The following TLL1 variants were observed in gnomAD, a reference collection of about 807,000 sequenced individuals.
TLL1 encodes tolloid-like protein 1.
Under a neutral mutation model 128.2 loss-of-function variants are expected in TLL1, and 49 were observed. That is an observed-to-expected ratio of 0.38 (90% CI 0.30 to 0.48). The LOEUF is 0.48. Ranked by LOEUF, TLL1 falls within the 20% of genes least tolerant of loss-of-function variation. The probability of loss-of-function intolerance (pLI) is 0.96; values close to 1 mark genes in which losing one functional copy is unlikely to be tolerated. For synonymous variants in TLL1, 454 were observed against 418.8 expected, an observed-to-expected ratio of 1.08 and a Z score of -1.03; for missense variants, 1,123 against 1,242.0, an observed-to-expected ratio of 0.90 and a Z score of 1.44.
chr4:165,894,233 C>T (rs1731558414), intron 1 of TLL1, among the ~76,000 whole-genome samples: 1 of 152,038 alleles, frequency 6.6e-6, no homozygotes, highest in African/African-American at 2.4e-5. Flanking sequence ...GTACAAGGAA[C>T]ATGAAGAAAA....
At chr4:166,095,209 G>A (rs1015572999) in intron 19 of TLL1, among the ~76,000 whole-genome samples, 1 of 152,030 alleles carries the variant, frequency 6.6e-6, no homozygotes, top group East Asian at 1.9e-4. Context: ...TTTTGAACTA[G>A]GTGATTAGAA....
chr4:166,076,596 A>G (rs1741040622), intron 17 of TLL1, among the ~76,000 whole-genome samples: 1 of 152,138 alleles, frequency 6.6e-6, no homozygotes, highest in African/African-American at 2.4e-5. Flanking sequence ...TTTTACCTTC[A>G]CTACGGTACA....
chr4:166,004,125 G>C (rs1272323607), intron 6 of TLL1, among the ~76,000 whole-genome samples: 1 of 151,952 alleles, frequency 6.6e-6, no homozygotes, highest in Non-Finnish European at 1.5e-5. Context: ...TTCAGTAATT[G>C]AAATATAATT....
At chr4:165,931,518 A>AT (rs759044040) in intron 1 of TLL1, among the ~76,000 whole-genome samples, 4 of 146,512 alleles carry the variant, frequency 2.7e-5, no homozygotes, top group Admixed American at 6.7e-5. Flanking sequence ...GGAGATTGAG[A>AT]CCTCCTGGCC....
In TLL1 at chr4:166,077,888, T is replaced by C. The variant is rs1470686296; in HGVS notation, c.2315-15T>C. Reference sequence around the variant, plus strand: ...TGGATTGCCACACTGTCTGATATTATGGTTATTGGTGCAGCTGAGTGTGAA... The same window carrying C: ...TGGATTGCCACACTGTCTGATATTACGGTTATTGGTGCAGCTGAGTGTGAA... On this transcript the variant is annotated splice_polypyrimidine_tract_variant and intron_variant, in intron 17 of 20. Transcript: ENST00000061240. 2 of 1,613,156 alleles carry C rather than the reference T, an allele frequency of 1.2e-6. No homozygotes were observed. The highest frequency in any genetic ancestry group is 1.7e-6 in the Non-Finnish European group (2 of 1,179,438).
At chr4:165,999,838 G>A (rs981530361) in intron 5 of TLL1, among the ~76,000 whole-genome samples, 19 of 152,016 alleles carry the variant, frequency 1.2e-4, no homozygotes, top group African/African-American at 4.6e-4. Context: ...GGTAAATGGC[G>A]ATTAACCTAA....
chr4:165,969,859 G>A (rs1735557137), intron 1 of TLL1, among the ~76,000 whole-genome samples: 1 of 152,086 alleles, frequency 6.6e-6, no homozygotes, highest in Non-Finnish European at 1.5e-5. Flanking sequence ...AATCTTGTAT[G>A]TATTCTCACT....
chr4:166,010,158 A>C (rs140265145), intron 7 of TLL1, among the ~76,000 whole-genome samples: 159 of 151,470 alleles, frequency 1.0e-3, no homozygotes, highest in African/African-American at 3.5e-3. Flanking sequence ...GTATTTTCTC[A>C]CTTTTAAGGC....
chr4:166,016,787 A>G (rs1212234722), intron 8 of TLL1, among the ~76,000 whole-genome samples: 1 of 151,988 alleles, frequency 6.6e-6, no homozygotes, highest in Non-Finnish European at 1.5e-5. Context: ...GCTAAAAGAG[A>G]TATATAAATA....
At chr4:165,944,426 G>C (rs1038077507) in intron 1 of TLL1, among the ~76,000 whole-genome samples, 2 of 152,142 alleles carry the variant, frequency 1.3e-5, no homozygotes, top group Non-Finnish European at 2.9e-5. Context: ...AGCGTGATGT[G>C]TTCCTGGACC....
rs182956489 is a variant in TLL1 at position 165,893,568 on chromosome 4, T to C, written c.169+19495T>C. On this transcript the variant is annotated intron_variant, in intron 1 of 20. Transcript: ENST00000061240. ...AGACATGCAGAGAATCCCTACCTTG[T>C]ATTCAGAATATCCAACCCAAAGATT... Among the ~76,000 whole-genome samples the C allele has an allele frequency of 9.2e-5, 14 of 152,276 alleles. No individual in the cohort carries two copies. In the East Asian group the frequency reaches 2.5e-3, roughly 27 times the overall value.
chr4:165,995,420 C>T (rs1164189544), intron 5 of TLL1, among the ~76,000 whole-genome samples: 1 of 152,130 alleles, frequency 6.6e-6, no homozygotes, highest in African/African-American at 2.4e-5. Flanking sequence ...AATGACATTA[C>T]CAACATCCCA....
chr4:165,996,374 C>T (rs1293833007), intron 5 of TLL1, among the ~76,000 whole-genome samples: 2 of 152,162 alleles, frequency 1.3e-5, no homozygotes, highest in East Asian at 1.9e-4. Flanking sequence ...TTTAAGAGGC[C>T]GAGGCAGATG....
At chr4:166,028,397 T>C (rs1288460433) in intron 9 of TLL1, among the ~76,000 whole-genome samples, 1 of 152,024 alleles carries the variant, frequency 6.6e-6, no homozygotes, top group Admixed American at 6.6e-5. Flanking sequence ...TAAAGCACTA[T>C]CTTTGTGTGT....
chr4:166,051,693 C>G (rs1280080385), intron 12 of TLL1, among the ~76,000 whole-genome samples: 1 of 152,092 alleles, frequency 6.6e-6, no homozygotes, highest in Non-Finnish European at 1.5e-5. Flanking sequence ...AAATAAGTAA[C>G]TGAAGACCAT....
chr4:165,920,289 G>T (rs1218951294), intron 1 of TLL1, among the ~76,000 whole-genome samples: 1 of 152,164 alleles, frequency 6.6e-6, no homozygotes, highest in Non-Finnish European at 1.5e-5. Context: ...AGCTTTATTT[G>T]TCAGGCAGAA....
At chr4:166,061,368 T>C (rs1740306067) in intron 15 of TLL1, among the ~76,000 whole-genome samples, 1 of 151,584 alleles carries the variant, frequency 6.6e-6, no homozygotes, top group Non-Finnish European at 1.5e-5. Flanking sequence ...TGCCTCAGCC[T>C]CCCGAATAGC....
At chr4:165,906,007 T>C (rs113479157) in intron 1 of TLL1, among the ~76,000 whole-genome samples, 4 of 152,202 alleles carry the variant, frequency 2.6e-5, no homozygotes, top group African/African-American at 9.6e-5. Flanking sequence ...AGCAGTTTTG[T>C]ATACATTATA....
At chr4:165,946,032 GAGA>G (rs1404926289) in intron 1 of TLL1, among the ~76,000 whole-genome samples, 1 of 152,170 alleles carries the variant, frequency 6.6e-6, no homozygotes, top group African/African-American at 2.4e-5. Context: ...AATGAAGCCT[GAGA>G]AGATCTCAAC....
Sources: allele counts gnomAD v4.1 joint callset (sites outside exome capture counted in the v4.1 genomes callset), GRCh38; gene constraint gnomAD v4.1.1; transcripts MANE v1.5; gene names NCBI Gene and HGNC (gene_info 2026-07-23, HGNC 2026-07-21).